Variants in ACACA observed in about 807,000 individuals in gnomAD.
ACACA encodes acetyl-CoA carboxylase alpha, also known as acetyl-CoA carboxylase 1.
ACACA carries 103 observed loss-of-function variants against 296.1 expected under a neutral mutation model. The observed-to-expected ratio is 0.35, with a 90% CI of 0.30 to 0.41. The LOEUF (loss-of-function observed/expected upper bound fraction) is 0.41, where lower values mean the gene tolerates loss of function less well. ACACA is among the 10% of genes least tolerant of loss of function. The pLI, the probability that ACACA is intolerant of heterozygous loss-of-function variation, is 1.00. For missense variants in ACACA, 1,554 were observed against 2,989.7 expected, an observed-to-expected ratio of 0.52 and a Z score of 11.20; for synonymous variants, 953 against 1,038.6, an observed-to-expected ratio of 0.92 and a Z score of 1.58.
At chr17:37,286,949 TTTG>T (rs1184026336) in intron 3 of ACACA, among the ~76,000 whole-genome samples, 4 of 152,222 alleles carry the variant, frequency 2.6e-5, no homozygotes, top group East Asian at 3.8e-4. Flanking sequence ...GCATGCCTTT[TTTG>T]TTGTTGTTCT....
At chr17:37,128,264 G>A (rs1251600559) in intron 47 of ACACA, among the ~76,000 whole-genome samples, 1 of 152,052 alleles carries the variant, frequency 6.6e-6, no homozygotes, top group Non-Finnish European at 1.5e-5. Context: ...ATGTGACCTT[G>A]TACGAATCAC....
At chr17:37,117,276 T>G (rs1297258355) in intron 50 of ACACA, among the ~76,000 whole-genome samples, 1 of 152,214 alleles carries the variant, frequency 6.6e-6, no homozygotes, top group African/African-American at 2.4e-5. Flanking sequence ...ATAATGTCTC[T>G]CCTTAGTTCA....
chr17:37,210,364 A>C, intron 30 of ACACA, 103 bp downstream of exon 30: 1 of 1,084,840 alleles, frequency 9.2e-7, no homozygotes, highest in Non-Finnish European at 1.4e-6. Flanking sequence ...CTAGCAGATA[A>C]CACATTATCT....
chr17:37,389,463 G>A, intron 1 of ACACA: 1 of 1,446,586 alleles, frequency 6.9e-7, no homozygotes, highest in Non-Finnish European at 9.2e-7. Context: ...TTGAGAGGCT[G>A]AGGCAGGTGG....
intron 1 of ACACA, among the ~76,000 whole-genome samples, chr17:37,394,794 C>A (rs918229088): frequency 6.6e-6 from 1 of 150,678 alleles, no homozygotes; most frequent in Non-Finnish European, 1.5e-5. Flanking sequence ...GAGGCTGAGG[C>A]AGGAGAATGG....
intron 51 of ACACA, among the ~76,000 whole-genome samples, 174 bp from the exon 52 acceptor site, chr17:37,111,817 C>T (rs2073986537): frequency 6.6e-6 from 1 of 152,098 alleles, no homozygotes; most frequent in Non-Finnish European, 1.5e-5. Flanking sequence ...AGAGAAGTGT[C>T]TAAGTGAGGT....
intron 45 of ACACA, among the ~76,000 whole-genome samples, chr17:37,133,863 A>C (rs548002642): frequency 6.6e-6 from 1 of 152,342 alleles, no homozygotes; most frequent in Non-Finnish European, 1.5e-5. Context: ...GTGGAGAAGC[A>C]GTACCATGCA....
In ACACA at chr17:37,277,028, C is replaced by T. The variant is rs747785060; in HGVS notation, c.802+5G>A. ...AAAGACGGACAATATGTCAGAACAG[C>T]TTACCCATGAAGGCAATGCCATTTT... On this transcript the variant is annotated splice_donor_5th_base_variant and intron_variant, in intron 7 of 55. Transcript: ENST00000616317. 65 of 1,612,106 alleles carry T rather than the reference C, an allele frequency of 4.0e-5. No individual in the cohort carries two copies. The highest frequency in any genetic ancestry group is 4.8e-5 in the Non-Finnish European group (56 of 1,178,308).
chr17:37,292,408 A>G (rs1333401280), intron 3 of ACACA, among the ~76,000 whole-genome samples: 1 of 152,240 alleles, frequency 6.6e-6, no homozygotes, highest in Non-Finnish European at 1.5e-5. Context: ...AGGGCAAAGT[A>G]TATAAAGTCC....
intron 42 of ACACA, 116 bp downstream of exon 42, chr17:37,161,665 T>C (rs745428407): frequency 9.6e-5 from 123 of 1,282,634 alleles, no homozygotes; most frequent in Middle Eastern, 5.4e-4. Context: ...TGTTTATATT[T>C]AATTTTTACC....
chr17:37,366,388 AT>A (rs1214979690), intron 1 of ACACA, among the ~76,000 whole-genome samples: 1 of 151,760 alleles, frequency 6.6e-6, no homozygotes, highest in East Asian at 1.9e-4. Flanking sequence ...CCATCATTCA[AT>A]TTCTTTTTAT....
chr17:37,365,554 A>G (rs1351771290), intron 1 of ACACA: 5 of 985,348 alleles, frequency 5.1e-6, no homozygotes, highest in Non-Finnish European at 4.8e-6. Flanking sequence ...GAATTCATCA[A>G]GAAAGTCAGT....
At chr17:37,221,561 AAAG>A (rs1250801138) in intron 29 of ACACA, 160 bp downstream of exon 29, 8 of 715,002 alleles carry the variant, frequency 1.1e-5, no homozygotes, top group Non-Finnish European at 2.1e-5. Context: ...TCTTTAGATC[AAAG>A]AAGTGGGCAC....
intron 1 of ACACA, among the ~76,000 whole-genome samples, chr17:37,393,144 CAAAA>C (rs11286732): frequency 1.2e-5 from 1 of 82,434 alleles, no homozygotes; most frequent in Non-Finnish European, 2.5e-5. Flanking sequence ...AACTCCATCT[CAAAA>C]AAAAAAAAAG....
chr17:37,383,568 G>A (rs1246175352), intron 1 of ACACA, among the ~76,000 whole-genome samples: 1 of 152,174 alleles, frequency 6.6e-6, no homozygotes, highest in East Asian at 1.9e-4. Context: ...ATTTATTTGA[G>A]ACAGAGTCTC....
At position 37,111,534 on chromosome 17, in the gene ACACA, A is replaced by G. The variant is rs372253327; in HGVS notation, c.6562T>C (p.Leu2188=). Residue 2188 remains leucine, a synonymous_variant, in exon 52 of 56, where the codon TTG becomes CTG. Transcript: ENST00000616317. Reference sequence around the variant, plus strand: ...CCAGAAGGACAAGCAGACATACCCAATCGCTCAGCCAAGTGGATGTAGACT... The same window carrying G: ...CCAGAAGGACAAGCAGACATACCCAGTCGCTCAGCCAAGTGGATGTAGACT... ...DPVYIHLAER[L]GTPELSTAER... is the part of the protein sequence containing the mutation. 1.9e-6 allele frequency: 3 copies of G among 1,612,432 alleles called. No homozygotes were observed. The highest frequency in any genetic ancestry group is 1.1e-5 in the South Asian group (1 of 91,052).
intron 41 of ACACA, among the ~76,000 whole-genome samples, chr17:37,171,751 A>G (rs1567758126): frequency 6.6e-6 from 1 of 152,214 alleles, no homozygotes; most frequent in East Asian, 1.9e-4. Flanking sequence ...AGAAATAACA[A>G]TTTTGAACAG....
chr17:37,385,790 A>G (rs1188026376), intron 1 of ACACA, among the ~76,000 whole-genome samples: 1 of 152,142 alleles, frequency 6.6e-6, no homozygotes, highest in Non-Finnish European at 1.5e-5. Context: ...TATGTTAGTT[A>G]AAAGTCCCAT....
chr17:37,316,042 T>C (rs2047069323), intron 3 of ACACA, among the ~76,000 whole-genome samples: 1 of 152,070 alleles, frequency 6.6e-6, no homozygotes, highest in South Asian at 2.1e-4. Context: ...AAAAGATACT[T>C]ACCGGTCAAG....
Sources: allele counts gnomAD v4.1 joint callset (sites outside exome capture counted in the v4.1 genomes callset), GRCh38; gene constraint gnomAD v4.1.1; transcripts MANE v1.5; gene names NCBI Gene and HGNC (gene_info 2026-07-23, HGNC 2026-07-21).